BLTP1: variants seen among roughly 807,000 people sequenced by gnomAD.
BLTP1 encodes the protein fragile site-associated protein.
chr4:122,234,841 G>A, the BLTP1 span: 1 of 1,613,638 alleles, frequency 6.2e-7, no homozygotes, highest in Middle Eastern at 1.6e-4. Flanking sequence ...GGTTGTCTCG[G>A]TGGCTGCAGA....
At chr4:122,329,369 T>C in the BLTP1 span, among the ~76,000 whole-genome samples, 3 of 151,746 alleles carry the variant, frequency 2.0e-5, no homozygotes, top group African/African-American at 4.8e-5. Context: ...TTTTTTGATA[T>C]TTTATATCTG....
At chr4:122,204,801 G>A in the BLTP1 span, 2 of 762,440 alleles carry the variant, frequency 2.6e-6, no homozygotes, top group Non-Finnish European at 3.2e-6. Context: ...CAGGGATAGA[G>A]TCAGCCTAGT....
chr4:122,306,461 A>G, the BLTP1 span: 1 of 617,994 alleles, frequency 1.6e-6, no homozygotes. Flanking sequence ...AAAAGAAAAC[A>G]AAGTAGACTA....
the BLTP1 span, chr4:122,362,396 T>G: frequency 1.6e-6 from 1 of 621,684 alleles, no homozygotes; most frequent in Non-Finnish European, 2.7e-6. Context: ...CTGTTCTAGT[T>G]CCATCATTCT....
chr4:122,188,939 G>C, the BLTP1 span: 1 of 985,238 alleles, frequency 1.0e-6, no homozygotes, highest in Admixed American at 6.2e-5. Flanking sequence ...GATAGAAAGA[G>C]GGTTTTTCCT....
chr4:122,197,569 A>T, the BLTP1 span: 9 of 447,702 alleles, frequency 2.0e-5, no homozygotes, highest in African/African-American at 4.3e-5. Context: ...AGACTGTTGC[A>T]CTTTGAGAGC....
At chr4:122,187,616 AG>A in the BLTP1 span, 1 of 1,116,184 alleles carries the variant, frequency 9.0e-7, no homozygotes, top group Non-Finnish European at 1.3e-6. Flanking sequence ...AGTTTTGTGG[AG>A]TTTTTTTTAG....
the BLTP1 span, among the ~76,000 whole-genome samples, chr4:122,308,908 TTG>T: frequency 1.3e-5 from 2 of 152,190 alleles, no homozygotes; most frequent in African/African-American, 4.8e-5. Flanking sequence ...ATTGGTATGT[TTG>T]TGTTTCAGGA....
the BLTP1 span, among the ~76,000 whole-genome samples, chr4:122,293,921 C>G: frequency 1.3e-5 from 2 of 152,144 alleles, no homozygotes; most frequent in African/African-American, 4.8e-5. Flanking sequence ...GAGGAGTTCC[C>G]TACAAGACAG....
At chr4:122,223,924 A>T in the BLTP1 span, 1 of 773,386 alleles carries the variant, frequency 1.3e-6, no homozygotes, top group South Asian at 5.9e-5. Context: ...GTTTTATGAC[A>T]TATCCTTTAT....
the BLTP1 span, among the ~76,000 whole-genome samples, chr4:122,314,980 C>A: frequency 3.8e-3 from 585 of 152,226 alleles, 6 homozygotes; most frequent in African/African-American, 0.013. Context: ...TCTTTGCTCC[C>A]CTCTTGGCTA....
At chr4:122,206,161 C>A in the BLTP1 span, 1 of 717,856 alleles carries the variant, frequency 1.4e-6, no homozygotes. Flanking sequence ...AAAGTCAAGT[C>A]TATGTTTCAT....
At chr4:122,183,359 C>G in the BLTP1 span, 1 of 547,116 alleles carries the variant, frequency 1.8e-6, no homozygotes, top group East Asian at 1.5e-4. Context: ...AAAGCTTAAA[C>G]AATTTAAGAT....
the BLTP1 span, among the ~76,000 whole-genome samples, chr4:122,177,346 C>T: frequency 1.3e-5 from 2 of 152,192 alleles, no homozygotes; most frequent in East Asian, 3.9e-4. Flanking sequence ...CATCATCTTC[C>T]ACCTGTTTTA....
At chr4:122,209,067 C>G in the BLTP1 span, 1 of 1,222,726 alleles carries the variant, frequency 8.2e-7, no homozygotes, top group Middle Eastern at 3.2e-4. Context: ...AACTTATTTC[C>G]AAGATTGTTG....
At chr4:122,337,012 C>T in the BLTP1 span, 10 of 1,605,102 alleles carry the variant, frequency 6.2e-6, no homozygotes, top group South Asian at 1.1e-5. Context: ...GGTTTATGTA[C>T]GAGTTCAGGT....
the BLTP1 span, among the ~76,000 whole-genome samples, chr4:122,318,793 C>G: frequency 6.6e-6 from 1 of 151,998 alleles, no homozygotes; most frequent in African/African-American, 2.4e-5. Flanking sequence ...ACCATTTTGC[C>G]CTTTTGTTGC....
chr4:122,200,250 C>G, the BLTP1 span: 2 of 985,196 alleles, frequency 2.0e-6, no homozygotes, highest in Non-Finnish European at 2.4e-6. Flanking sequence ...TGTGACAATG[C>G]TCTTCCTAGG....
At chr4:122,257,486 T>G in the BLTP1 span, 2 of 1,613,896 alleles carry the variant, frequency 1.2e-6, no homozygotes, top group Non-Finnish European at 1.7e-6. Flanking sequence ...AGAATTTGAG[T>G]TCGATGCAGG....
Sources: allele counts gnomAD v4.1 joint callset (sites outside exome capture counted in the v4.1 genomes callset), GRCh38; gene constraint gnomAD v4.1.1; transcripts MANE v1.5; gene names NCBI Gene and HGNC (gene_info 2026-07-23, HGNC 2026-07-21).